The following PCDHGA8 variants were observed in gnomAD, a reference collection of about 807,000 sequenced individuals.
PCDHGA8 encodes the protein protocadherin gamma subfamily A, 8.
In PCDHGA8, 45 loss-of-function variants were observed where a neutral mutation model predicts 59.2. The ratio of observed to expected loss-of-function variants is 0.76; its 90% CI spans 0.60 to 0.98. The LOEUF is 0.98. PCDHGA8 is among the 50% of genes least tolerant of loss of function. The probability of loss-of-function intolerance (pLI) is 0.00; values close to 1 mark genes in which losing one functional copy is unlikely to be tolerated. For synonymous variants in PCDHGA8, 531 were observed against 519.0 expected (o/e 1.02, Z -0.32); for missense variants, 1,257 against 1,196.2 (o/e 1.05, Z -0.75).
chr5:141,465,240 G>C (rs569146939), intron 1 of PCDHGA8, among the ~76,000 whole-genome samples: 22 of 152,168 alleles, frequency 1.4e-4, no homozygotes, highest in African/African-American at 5.3e-4. Flanking sequence ...TCAAGTTCAA[G>C]GCACTTTTGT....
intron 1 of PCDHGA8, among the ~76,000 whole-genome samples, chr5:141,433,594 G>A (rs1331681563): frequency 1.3e-5 from 2 of 152,086 alleles, no homozygotes; most frequent in Admixed American, 1.3e-4. Context: ...CCAGTACTTT[G>A]GGAGGCCGAG....
chr5:141,416,378 A>C (rs2096019434), intron 1 of PCDHGA8: 1 of 152,230 alleles, frequency 6.6e-6, no homozygotes, highest in South Asian at 2.1e-4. Flanking sequence ...GAAATTAAGA[A>C]TATTTGGGAT....
At chr5:141,430,603 C>A in intron 1 of PCDHGA8, 1 of 632,906 alleles carries the variant, frequency 1.6e-6, no homozygotes, top group Non-Finnish European at 2.5e-6. Context: ...GCGCCTGAAG[C>A]ACAAAGCAGA....
At chr5:141,427,499 T>C in intron 1 of PCDHGA8, 2 of 571,516 alleles carry the variant, frequency 3.5e-6, no homozygotes, top group Non-Finnish European at 3.3e-6. Flanking sequence ...TTGTAACAGA[T>C]GGGACCCTGG....
rs1562052190 is a variant in PCDHGA8, at chr5:141,476,218, CTA to C, written c.2425-18587_2425-18586del. The C allele has an allele frequency of 6.2e-7, 1 of 1,613,984 alleles. No individual in the cohort carries two copies. The highest frequency in any genetic ancestry group is 8.5e-7 in the Non-Finnish European group (1 of 1,180,024). ...TGAACAAGGCTTCCACGGTCATTCA[CTA>C]TGAGATCCCGGAGGAAAGAGAGAAG... On this transcript the variant is annotated intron_variant, in intron 1 of 3. Coordinates refer to ENST00000398604, the MANE Select transcript of PCDHGA8 (RefSeq NM_032088.2). This position sits in a 1 kb window ranked among gnomAD's most constrained non-coding sequence, Gnocchi z 7.6.
chr5:141,408,922 G>C, intron 1 of PCDHGA8: 1 of 1,613,222 alleles, frequency 6.2e-7, no homozygotes. Context: ...ATAACCCCCC[G>C]GTTTTCAGCA....
chr5:141,414,139 G>A (rs1245110230), intron 1 of PCDHGA8: 6 of 1,596,386 alleles, frequency 3.8e-6, no homozygotes, highest in African/African-American at 1.3e-5. Context: ...CTATGAAATA[G>A]AAATACAAGC....
In PCDHGA8 at chr5:141,432,976, C is replaced by A. The variant is rs373558125; in HGVS notation, c.2424+37739C>A. The stretch of plus-strand genomic sequence containing the variant: ...GCTTGACAGGAGCGCCGGCGTCGCA[C>A]TTTGTGGGCGTGGACGGGGTGCAGG... On this transcript the variant is annotated intron_variant, in intron 1 of 3. Coordinates refer to ENST00000398604, the MANE Select transcript of PCDHGA8 (RefSeq NM_032088.2). This position sits in a 1 kb window ranked among gnomAD's most constrained non-coding sequence, Gnocchi z 6.0. 1 of 1,614,210 alleles carries A rather than the reference C, an allele frequency of 6.2e-7. No individual in the cohort carries two copies.
chr5:141,503,912 A>AAC (rs34419983), intron 2 of PCDHGA8, among the ~76,000 whole-genome samples: 3 of 152,280 alleles, frequency 2.0e-5, no homozygotes, highest in East Asian at 3.9e-4. Context: ...CACACAACGC[A>AAC]ACACACACAC....
intron 1 of PCDHGA8, chr5:141,404,928 C>G: frequency 2.5e-6 from 4 of 1,613,866 alleles, no homozygotes; most frequent in Non-Finnish European, 3.4e-6. Context: ...GCCACTGTCA[C>G]GCTCACAGTA....
At chr5:141,492,132 C>A (rs1289132641) in intron 1 of PCDHGA8, among the ~76,000 whole-genome samples, 3 of 152,220 alleles carry the variant, frequency 2.0e-5, no homozygotes, top group African/African-American at 4.8e-5. Context: ...CAGCTCCCAG[C>A]ATCTGTGACT....
In PCDHGA8 at chr5:141,393,139, T is replaced by A. The variant is rs753058672; in HGVS notation, c.326T>A (p.Leu109Gln). 1.2e-6 allele frequency: 2 copies of A among 1,613,322 alleles called. No individual in the cohort carries two copies. The highest frequency in any genetic ancestry group is 3.3e-5 in the Admixed American group (2 of 60,032). ...SPRCLININT[L>Q]VEDKGKLFGV... ...CGGTGTCTGATAAATATTAACACCC[T>A]GGTTGAGGATAAAGGAAAACTCTTT... Residue 109 changes from leucine (L) to glutamine (Q), a missense_variant, in exon 1 of 4, where the codon CTG becomes CAG. Coordinates refer to ENST00000398604, the MANE Select transcript of PCDHGA8 (RefSeq NM_032088.2).
intron 1 of PCDHGA8, chr5:141,415,909 C>T: frequency 2.6e-6 from 2 of 761,032 alleles, no homozygotes; most frequent in Non-Finnish European, 3.7e-6. Context: ...GACTTCCATA[C>T]AGAAGTGCCT....
At chr5:141,510,139 G>T (rs931012964) in intron 3 of PCDHGA8, among the ~76,000 whole-genome samples, 1 of 152,136 alleles carries the variant, frequency 6.6e-6, no homozygotes, top group Non-Finnish European at 1.5e-5. Context: ...CTGGGCTAGT[G>T]GTGTGCACCT....
At chr5:141,403,291 A>C in intron 1 of PCDHGA8, 1 of 1,613,918 alleles carries the variant, frequency 6.2e-7, no homozygotes, top group Non-Finnish European at 8.5e-7. Flanking sequence ...TTGAAGACAG[A>C]GTGAAACTGT....
At chr5:141,427,365 TG>T (rs1391779401) in intron 1 of PCDHGA8, 2 of 457,804 alleles carry the variant, frequency 4.4e-6, no homozygotes, top group Non-Finnish European at 8.8e-6. Flanking sequence ...CGCAGAACCC[TG>T]GACGGTGATC....
rs943252788 is a variant in PCDHGA8 at position 141,394,807 on chromosome 5, C to G, written c.1994C>G (p.Ala665Gly). The G allele has an allele frequency of 1.9e-6, 3 of 1,613,886 alleles. No homozygotes were observed. The highest frequency in any genetic ancestry group is 2.7e-5 in the African/African-American group (2 of 75,066). Residue 665 changes from alanine (A) to glycine (G), a missense_variant, in exon 1 of 4, where the codon GCT becomes GGT. Ala to Gly is a moderately conservative substitution (Grantham distance 60). Transcript: ENST00000398604. ...ACTGTCACGCTCACCGTAGCCGTGGCTGACAGCATCCCCGAAGTCCTGACC... is the reference window on the plus strand; with the variant it reads ...ACTGTCACGCTCACCGTAGCCGTGGGTGACAGCATCCCCGAAGTCCTGACC... ...SATVTLTVAV[A>G]DSIPEVLTEL... is the part of the protein sequence containing the mutation.
rs2097721634 is a variant in PCDHGA8, at chr5:141,434,835, A to G, written c.2424+39598A>G. On this transcript the variant is annotated intron_variant, in intron 1 of 3. Coordinates refer to ENST00000398604, the MANE Select transcript of PCDHGA8 (RefSeq NM_032088.2). ...ATATCCCTTAGTACACTTGGCATTT[A>G]TAAAGCAGACATCAATAAATTTATA... 2.0e-5 allele frequency among the ~76,000 whole-genome samples: 3 copies of G among 151,972 alleles called. 1 individual carries two copies. In the South Asian group the frequency reaches 6.2e-4, roughly 32 times the overall value.
Position 141,490,672 on chromosome 5 carries a change from G to T in PCDHGA8, c.2425-4135G>T. The T allele has an allele frequency of 6.2e-7, 1 of 1,614,114 alleles. No homozygotes were observed. Among genetic ancestry groups the T allele is most frequent in the Non-Finnish European group, 8.5e-7 (1 of 1,179,996 alleles). ...GGGCTCCCTTCTTTGCACTGTGGCT[G>T]CCTCAGATCCAGACACTGGGGATAA... On this transcript the variant is annotated intron_variant, in intron 1 of 3. Coordinates refer to ENST00000398604, the MANE Select transcript of PCDHGA8 (RefSeq NM_032088.2). The surrounding 1 kb of genome is among the most constrained non-coding windows in gnomAD (Gnocchi z 5.4).
Sources: allele counts gnomAD v4.1 joint callset (sites outside exome capture counted in the v4.1 genomes callset), GRCh38; gene constraint gnomAD v4.1.1; non-coding constraint Gnocchi (gnomAD v3.1); transcripts MANE v1.5; gene names NCBI Gene and HGNC (gene_info 2026-07-23, HGNC 2026-07-21).